THBS2: variants seen among roughly 807,000 people sequenced by gnomAD.
THBS2 encodes the protein thrombospondin 2, also known as thrombospondin-2.
THBS2 carries 47 observed loss-of-function variants against 135.2 expected under a neutral mutation model. That is an observed-to-expected ratio of 0.35 (90% CI 0.28 to 0.44). The LOEUF is 0.44. THBS2 is among the 20% of genes least tolerant of loss of function. The pLI, the probability that THBS2 is intolerant of heterozygous loss-of-function variation, is 1.00. For missense variants in THBS2, 1,288 were observed against 1,603.1 expected (o/e 0.80, Z 3.36); for synonymous variants, 639 against 633.8 (o/e 1.01, Z -0.12).
At position 169,248,885 on chromosome 6, in the gene THBS2, C is replaced by A. The variant is rs894695530; in HGVS notation, c.141G>T (p.Gly47=). The A allele has an allele frequency of 6.2e-7, 1 of 1,613,012 alleles. No individual in the cohort carries two copies. The highest frequency in any genetic ancestry group is 1.1e-5 in the South Asian group (1 of 91,072). Residue 47 remains glycine, a synonymous_variant, in exon 3 of 22, where the codon GGG becomes GGT. Transcript: ENST00000617924. ...GGTAAGCCGGCACGCCGGGGTCGGGCCCGCGGAACTGCTTGGCGCCAATGG... is the reference window on the plus strand; with the variant it reads ...GGTAAGCCGGCACGCCGGGGTCGGGACCGCGGAACTGCTTGGCGCCAATGG... ...RKTIGAKQFR[G]PDPGVPAYRF...
At chr6:169,221,866 A>T (rs1779441989) in intron 19 of THBS2, among the ~76,000 whole-genome samples, 2 of 152,078 alleles carry the variant, frequency 1.3e-5, no homozygotes, top group Admixed American at 6.5e-5. Context: ...TTGATATTCA[A>T]TTCTCCCTAG....
Position 169,246,318 on chromosome 6 carries a change from A to C in THBS2, c.610-37T>G, listed in dbSNP as rs1301327401. The C allele has an allele frequency of 3.3e-6, 5 of 1,516,444 alleles. No homozygotes were observed. The South Asian group carries it at 4.5e-5, about 14-fold the overall frequency. The allele number at this position is 1,516,444 out of a possible 1,614,324, so 93.9% of individuals were successfully genotyped here. ...CACAAGCAGAAAAATAGAGCAACAG[A>C]TAAACATCCAATGTTTGATGCCAAG... On this transcript the variant is annotated intron_variant, in intron 3 of 21. Transcript: ENST00000617924.
At chr6:169,218,590 G>A (rs1466604574) in intron 21 of THBS2, among the ~76,000 whole-genome samples, 1 of 146,204 alleles carries the variant, frequency 6.8e-6, no homozygotes, top group Non-Finnish European at 1.5e-5. Context: ...GGATGAGATG[G>A]GTGGGTGTGT....
In THBS2 at chr6:169,223,313, C is replaced by T. The variant is rs1779500602; in HGVS notation, c.2936G>A (p.Trp979Ter). 1 of 1,614,194 alleles carries T rather than the reference C, an allele frequency of 6.2e-7. No homozygotes were observed. Among genetic ancestry groups the T allele is most frequent in the Non-Finnish European group, 8.5e-7 (1 of 1,180,052 alleles). Residue 979 changes from tryptophan (W) to a stop codon, truncating the protein, a stop_gained, in exon 18 of 22, where the codon TGG becomes TAG. Transcript: ENST00000617924. LOFTEE classifies it high-confidence loss of function. ...PKGTTQIDPN[W>*]VIRHQGKELV... ...CTCCTTGCCTTGATGGCGAATGACC[C>T]AGTTGGGATCAATTTGGGTGGTCCC...
chr6:169,228,058 T>C (rs1302881571), intron 15 of THBS2, 64 bp downstream of exon 15: 8 of 1,527,292 alleles, frequency 5.2e-6, no homozygotes, highest in Middle Eastern at 3.7e-4. Context: ...TGGGCAACAA[T>C]AGTGAAACTC....
In THBS2 at chr6:169,228,148, G is replaced by T. The variant is rs1779708004; in HGVS notation, c.2393C>A (p.Ala798Asp). ...IDTDNNGEGD[A>D]CSVDIDGDDV... ...GTCCCCATCAATGTCCACGGAGCAGGCGTCACCCTCTCCATTGTTGTCTGT... is the reference window on the plus strand; with the variant it reads ...GTCCCCATCAATGTCCACGGAGCAGTCGTCACCCTCTCCATTGTTGTCTGT... The change falls in exon 15 of 22, where the codon GCC (alanine) becomes GAC (aspartate). Residue 798 changes from alanine (A) to aspartate (D), a missense_variant. This residue lies in a region of THBS2 where 874 missense variants were observed against 1,156.1 expected (regional missense o/e 0.76). Transcript: ENST00000617924. 1 of 1,613,914 alleles carries T rather than the reference G, an allele frequency of 6.2e-7. No homozygotes were observed. Among genetic ancestry groups the T allele is most frequent in the Non-Finnish European group, 8.5e-7 (1 of 1,180,016 alleles).
chr6:169,229,997 A>G lies in THBS2; in HGVS notation c.2152-318T>C, dbSNP rs567597807. The stretch of plus-strand genomic sequence containing the variant: ...TGACAAGGTATTGCTCTGAGAGAAC[A>G]TGGGAGAGAAAAGAGGCTTTAGTGG... On this transcript the variant is annotated intron_variant, in intron 13 of 21. Coordinates refer to ENST00000617924, the MANE Select transcript of THBS2 (RefSeq NM_003247.5). 5.9e-5 allele frequency among the ~76,000 whole-genome samples: 9 copies of G among 152,330 alleles called. No individual in the cohort carries two copies. The East Asian group carries it at 1.7e-3, about 29-fold the overall frequency.
At position 169,252,358 on chromosome 6, in the gene THBS2, C is replaced by T. The variant is rs1340743949; in HGVS notation, c.-23+1366G>A. Among the ~76,000 whole-genome samples the T allele has an allele frequency of 2.0e-5, 3 of 152,164 alleles. No homozygotes were observed. Among genetic ancestry groups the T allele is most frequent in the East Asian group, 1.9e-4 (1 of 5,188 alleles). On this transcript the variant is annotated intron_variant, in intron 1 of 21. Coordinates refer to ENST00000617924, the MANE Select transcript of THBS2 (RefSeq NM_003247.5). This position sits in a 1 kb window ranked among gnomAD's most constrained non-coding sequence, Gnocchi z 4.3. ...ACAGCTCAGGTACAGCCTTGGCAGG[C>T]TCTTCCCACCTCCCCACCTCATCAG...
chr6:169,241,046 G>A lies in THBS2; in HGVS notation c.892-454C>T, dbSNP rs548420875. 3.5e-3 allele frequency among the ~76,000 whole-genome samples: 478 copies of A among 135,712 alleles called. No individual in the cohort carries two copies. Among genetic ancestry groups the A allele is most frequent in the Non-Finnish European group, 4.7e-3 (302 of 63,708 alleles). The allele number at this position is 135,712 out of a possible 152,430, so 89.0% of individuals were successfully genotyped here. A position where few individuals can be genotyped will look rare whatever the true frequency, so the allele number is the denominator to read the frequency against. On this transcript the variant is annotated intron_variant, in intron 5 of 21. Coordinates refer to ENST00000617924, the MANE Select transcript of THBS2 (RefSeq NM_003247.5). The surrounding 1 kb of genome is among the most constrained non-coding windows in gnomAD (Gnocchi z 5.5). ...CTCCCTGCCCCAGGCTCCTGCCCTC[G>A]CCGCCCTCCCTGCCCCGGACTCCTG...
At chr6:169,219,390 TG>T (rs1779336867) in intron 21 of THBS2, among the ~76,000 whole-genome samples, 1 of 150,578 alleles carries the variant, frequency 6.6e-6, no homozygotes, top group African/African-American at 2.5e-5. Context: ...GATGAATGGA[TG>T]GATGGATGGG....
At chr6:169,232,245 T>C in intron 12 of THBS2, 47 bp from the exon 13 acceptor site, 1 of 1,598,036 alleles carries the variant, frequency 6.3e-7, no homozygotes, top group Non-Finnish European at 8.5e-7. Context: ...GGACGATGGC[T>C]CCGGAGGCGT....
chr6:169,234,704 T>C, intron 10 of THBS2, 30 bp downstream of exon 10: 1 of 1,469,224 alleles, frequency 6.8e-7, no homozygotes, highest in Non-Finnish European at 9.1e-7. Context: ...AGCCCGGGTT[T>C]CAGTGCCCCC....
At chr6:169,247,610 G>A (rs987296109) in intron 3 of THBS2, among the ~76,000 whole-genome samples, 3 of 152,168 alleles carry the variant, frequency 2.0e-5, no homozygotes, top group African/African-American at 7.2e-5. Flanking sequence ...TTTTGTGCAC[G>A]TGTGTATGTG....
Position 169,223,389 on chromosome 6 carries a change from T to C in THBS2, c.2860A>G (p.Ile954Val). 2.5e-6 allele frequency: 4 copies of C among 1,614,212 alleles called. No homozygotes were observed. The highest frequency in any genetic ancestry group is 3.4e-6 in the Non-Finnish European group (4 of 1,180,044). The change falls in exon 18 of 22, where the codon ATC becomes GTC. Residue 954 changes from isoleucine (I) to valine (V), a missense_variant. Around this residue, in one of 2 missense-constraint regions of THBS2, gnomAD observed 874 missense variants for 1,156.1 expected, o/e 0.76. Transcript: ENST00000617924. Reference sequence around the variant, plus strand: ...AAGTTCCTGAAGTCTGTCTCACTGATGGCATTGTTTTCAGGACACACATCA... The same window carrying C: ...AAGTTCCTGAAGTCTGTCTCACTGACGGCATTGTTTTCAGGACACACATCA... ...IDDVCPENNA[I>V]SETDFRNFQM...
chr6:169,232,115 G>C lies in THBS2; in HGVS notation c.2016C>G (p.Ser672Arg). ...HAECIYLGHF[S>R]DPMYKCECQT... ...GGCACTCGCACTTGTACATGGGGTCGCTGAAGTGGCCCAGGTAGATGCACT... is the reference window on the plus strand; with the variant it reads ...GGCACTCGCACTTGTACATGGGGTCCCTGAAGTGGCCCAGGTAGATGCACT... Residue 672 changes from serine to arginine, a missense_variant, in exon 13 of 22, where the codon AGC becomes AGG. Around this residue, in one of 2 missense-constraint regions of THBS2, gnomAD observed 874 missense variants for 1,156.1 expected, o/e 0.76. Transcript: ENST00000617924. 1.9e-6 allele frequency: 3 copies of C among 1,614,100 alleles called. No homozygotes were observed. The highest frequency in any genetic ancestry group is 1.7e-6 in the Non-Finnish European group (2 of 1,179,992).
rs1779187894 is a variant in THBS2, at chr6:169,216,817, T to A, written c.*1005A>T. 6.6e-6 allele frequency: 1 copy of A among 152,252 alleles called. No individual in the cohort carries two copies. Among genetic ancestry groups the A allele is most frequent in the South Asian group, 2.1e-4 (1 of 4,826 alleles). 9.4% of individuals were successfully genotyped at this position (152,252 alleles called of 1,614,324 possible). ...AATGGAGTTGCATTCTATAGTCACTTAATAAATATTAACAAAATATTTATA... is the reference window on the plus strand; with the variant it reads ...AATGGAGTTGCATTCTATAGTCACTAAATAAATATTAACAAAATATTTATA... On this transcript the variant is annotated 3_prime_UTR_variant, in exon 22 of 22. Coordinates refer to ENST00000617924, the MANE Select transcript of THBS2 (RefSeq NM_003247.5).
At position 169,248,932 on chromosome 6, in the gene THBS2, T is replaced by G. The variant is rs1213201634; in HGVS notation, c.94A>C (p.Ile32Leu). ...ATGGTCTTGCGGTTGATGTTGCTGA[T>G]ACTGAAAAGGTCGAAGGTCGTGTCT... ...DKDTTFDLFS[I>L]SNINRKTIGA... Residue 32 changes from isoleucine (I) to leucine (L), a missense_variant, in exon 3 of 22, where the codon ATC becomes CTC. By Grantham distance (5) the Ile-to-Leu change is conservative (BLOSUM62 2). Coordinates refer to ENST00000617924, the MANE Select transcript of THBS2 (RefSeq NM_003247.5). 6.2e-7 allele frequency: 1 copy of G among 1,613,202 alleles called. No individual in the cohort carries two copies. The highest frequency in any genetic ancestry group is 2.2e-5 in the East Asian group (1 of 44,806).
rs1317865727 is a variant in THBS2, at chr6:169,223,360, C to T, written c.2889G>A (p.Gln963=). Residue 963 remains glutamine (Q), a synonymous_variant, in exon 18 of 22, where the codon CAG becomes CAA. Transcript: ENST00000617924. ...TCCCTTTGGGATCCAAGGGGACCAT[C>T]TGGAAGTTCCTGAAGTCTGTCTCAC... ...AISETDFRNF[Q]MVPLDPKGTT... is the part of the protein sequence containing the mutation. The T allele has an allele frequency of 1.2e-6, 2 of 1,614,192 alleles. No homozygotes were observed. The highest frequency in any genetic ancestry group is 1.3e-5 in the African/African-American group (1 of 75,048).
chr6:169,221,546 C>G lies in THBS2; in HGVS notation c.3274-19G>C, dbSNP rs1420110469. The stretch of plus-strand genomic sequence containing the variant: ...TTCGCACCTGAGAGAGAACATAGCA[C>G]TCTTGAGTGCCATGGGCACCCGGAG... On this transcript the variant is annotated intron_variant, in intron 19 of 21. Coordinates refer to ENST00000617924, the MANE Select transcript of THBS2 (RefSeq NM_003247.5). 1 of 1,612,196 alleles carries G rather than the reference C, an allele frequency of 6.2e-7. No homozygotes were observed. Among genetic ancestry groups the G allele is most frequent in the African/African-American group, 1.3e-5 (1 of 74,886 alleles).
Sources: gnomAD v4.1 joint callset for allele counts (sites outside exome capture counted in the v4.1 genomes callset) on GRCh38, gnomAD v4.1.1 for gene constraint, gnomAD v4.1.1 regional missense constraint, Gnocchi (gnomAD v3.1) non-coding constraint, MANE v1.5 for transcripts, NCBI Gene and HGNC (gene_info 2026-07-23, HGNC 2026-07-21) for gene names.